COMMD10: variants seen among roughly 807,000 people sequenced by gnomAD.
COMMD10 encodes COMM domain containing 10, also known as COMM domain-containing protein 10.
Under a neutral mutation model 28.9 loss-of-function variants are expected in COMMD10, and 33 were observed. The observed-to-expected ratio is 1.14, with a 90% CI of 0.87 to 1.53. The LOEUF is 1.53. COMMD10 is among the 40% of genes most tolerant of loss of function. The pLI is 0.00. For synonymous variants in COMMD10, 110 were observed against 81.7 expected, an observed-to-expected ratio of 1.35 and a Z score of -1.87; for missense variants, 310 against 233.4, an observed-to-expected ratio of 1.33 and a Z score of -2.14.
At chr5:116,281,874 C>T (rs1205180641) in intron 5 of COMMD10, among the ~76,000 whole-genome samples, 3 of 151,868 alleles carry the variant, frequency 2.0e-5, no homozygotes, top group Non-Finnish European at 2.9e-5. Flanking sequence ...CCTTATGGCT[C>T]AGCCTCAGGC....
intron 5 of COMMD10, among the ~76,000 whole-genome samples, chr5:116,156,888 T>C (rs1200911686): frequency 8.5e-5 from 13 of 152,150 alleles, no homozygotes; most frequent in Non-Finnish European, 1.9e-4. Flanking sequence ...CTTTATTTTT[T>C]CTAAATTCTC....
intron 5 of COMMD10, among the ~76,000 whole-genome samples, chr5:116,207,686 C>T (rs1487337281): frequency 6.6e-6 from 1 of 152,076 alleles, no homozygotes; most frequent in Non-Finnish European, 1.5e-5. Flanking sequence ...TCACCACACC[C>T]AGCTAATTTC....
intron 4 of COMMD10, among the ~76,000 whole-genome samples, chr5:116,128,424 C>T (rs2112764248): frequency 6.6e-6 from 1 of 151,820 alleles, no homozygotes; most frequent in East Asian, 1.9e-4. Flanking sequence ...TAAGGACCCT[C>T]AGATTTAAAT....
chr5:116,193,397 A>T (rs936185111), intron 5 of COMMD10, among the ~76,000 whole-genome samples: 1 of 152,218 alleles, frequency 6.6e-6, no homozygotes, highest in South Asian at 2.1e-4. Flanking sequence ...GAATTTACCA[A>T]CAAACTATCT....
intron 1 of COMMD10, 55 bp downstream of exon 1, chr5:116,085,148 G>A: frequency 6.9e-7 from 1 of 1,456,026 alleles, no homozygotes; most frequent in Non-Finnish European, 9.2e-7. Context: ...CCCAGATCGG[G>A]CTCGCACAAG....
chr5:116,148,756 C>T (rs946593311), intron 5 of COMMD10, among the ~76,000 whole-genome samples: 3 of 151,556 alleles, frequency 2.0e-5, no homozygotes, highest in Non-Finnish European at 2.9e-5. Context: ...TATCAAAGAA[C>T]ATTGTCAAGA....
At chr5:116,109,396 C>G (rs1387239725) in intron 4 of COMMD10, among the ~76,000 whole-genome samples, 3 of 152,158 alleles carry the variant, frequency 2.0e-5, no homozygotes, top group Admixed American at 6.5e-5. Flanking sequence ...GAGTTTGAGA[C>G]CAGCCTGGCC....
chr5:116,116,955 T>G (rs1312986794), intron 4 of COMMD10, among the ~76,000 whole-genome samples: 9 of 152,198 alleles, frequency 5.9e-5, no homozygotes, highest in Non-Finnish European at 1.3e-4. Flanking sequence ...CAGCAGGAAA[T>G]TACTTTCAAC....
chr5:116,225,641 G>C (rs1465173849), intron 5 of COMMD10, among the ~76,000 whole-genome samples: 1 of 151,924 alleles, frequency 6.6e-6, no homozygotes, highest in Non-Finnish European at 1.5e-5. Context: ...CTTCTTTGTT[G>C]TTTCTTTGTG....
intron 5 of COMMD10, among the ~76,000 whole-genome samples, chr5:116,258,253 G>A (rs1272913292): frequency 6.6e-6 from 1 of 151,604 alleles, no homozygotes; most frequent in Non-Finnish European, 1.5e-5. Context: ...GAATTTTGTA[G>A]TATATCTATT....
chr5:116,201,570 A>C (rs936468690), intron 5 of COMMD10, among the ~76,000 whole-genome samples: 1 of 152,126 alleles, frequency 6.6e-6, no homozygotes, highest in Non-Finnish European at 1.5e-5. Flanking sequence ...TTACCCTATG[A>C]CTTGACTTCT....
chr5:116,151,344 G>C (rs1752520817), intron 5 of COMMD10, among the ~76,000 whole-genome samples: 1 of 152,002 alleles, frequency 6.6e-6, no homozygotes, highest in Non-Finnish European at 1.5e-5. Context: ...TCTCTGCCCA[G>C]CTTTGGTATC....
chr5:116,253,404 G>A (rs1393071560), intron 5 of COMMD10, among the ~76,000 whole-genome samples: 3 of 151,238 alleles, frequency 2.0e-5, no homozygotes, highest in Admixed American at 6.6e-5. Context: ...TCCAGTTTTT[G>A]CCCATTCAGT....
At chr5:116,179,703 G>T (rs559606125) in intron 5 of COMMD10, among the ~76,000 whole-genome samples, 1 of 152,182 alleles carries the variant, frequency 6.6e-6, no homozygotes, top group South Asian at 2.1e-4. Context: ...TATGGGATAG[G>T]CACCAGAATG....
At chr5:116,227,383 A>G (rs1348723910) in intron 5 of COMMD10, among the ~76,000 whole-genome samples, 1 of 152,000 alleles carries the variant, frequency 6.6e-6, no homozygotes, top group Non-Finnish European at 1.5e-5. Flanking sequence ...ATTCTCCATC[A>G]GTTCATTTTA....
intron 5 of COMMD10, among the ~76,000 whole-genome samples, chr5:116,189,418 G>A (rs1440728582): frequency 1.3e-5 from 2 of 152,070 alleles, no homozygotes; most frequent in African/African-American, 4.8e-5. Context: ...GGCTTCCTAG[G>A]CTGTCTTTTT....
chr5:116,160,647 G>GA (rs1414388315), intron 5 of COMMD10, among the ~76,000 whole-genome samples: 1 of 152,180 alleles, frequency 6.6e-6, no homozygotes, highest in Non-Finnish European at 1.5e-5. Context: ...TGCCTGTATT[G>GA]AAAATGAACA....
chr5:116,293,220 A>G lies in COMMD10; in HGVS notation c.*731A>G, dbSNP rs1055623895. The G allele has an allele frequency of 1.3e-5, 5 of 382,176 alleles. No homozygotes were observed. The highest frequency in any genetic ancestry group is 2.3e-5 in the Non-Finnish European group (5 of 215,906). The allele number at this position is 382,176 out of a possible 1,614,324, so 23.7% of individuals were successfully genotyped here. ...CTAAATGGGCACCATTATTCGAATC[A>G]GATACCTTTTATATTCTCTTTCCAT... On this transcript the variant is annotated 3_prime_UTR_variant, in exon 7 of 7. Transcript: ENST00000274458.
intron 5 of COMMD10, among the ~76,000 whole-genome samples, chr5:116,178,072 A>G (rs1747792165): frequency 6.6e-6 from 1 of 152,142 alleles, no homozygotes; most frequent in African/African-American, 2.4e-5. Context: ...TCTGCCTGTA[A>G]AAGAAATAAA....
Sources: gnomAD v4.1 joint callset for allele counts (sites outside exome capture counted in the v4.1 genomes callset) on GRCh38, gnomAD v4.1.1 for gene constraint, MANE v1.5 for transcripts, NCBI Gene and HGNC (gene_info 2026-07-23, HGNC 2026-07-21) for gene names.